Variants in SPEF2 observed in about 807,000 individuals in gnomAD.
SPEF2 encodes the protein sperm flagella and cilia-associated protein 2.
SPEF2 carries 187 observed loss-of-function variants against 224.6 expected under a neutral mutation model. The observed-to-expected ratio is 0.83, with a 90% CI of 0.74 to 0.94. SPEF2 has a LOEUF of 0.94. Among genes scored for constraint, SPEF2 ranks in the 40% least tolerant of loss-of-function variants. SPEF2 has a pLI of 0.00. For synonymous variants in SPEF2, 715 were observed against 707.3 expected (o/e 1.01, Z -0.17); for missense variants, 2,170 against 2,135.6 (o/e 1.02, Z -0.32).
intron 2 of SPEF2, among the ~76,000 whole-genome samples, chr5:35,636,140 C>G (rs1745805155): frequency 6.6e-6 from 1 of 152,120 alleles, no homozygotes; most frequent in Non-Finnish European, 1.5e-5. Flanking sequence ...TAGTAGCTCT[C>G]CTGGACTAAT....
At chr5:35,624,628 G>A (rs1307080063) in intron 1 of SPEF2, among the ~76,000 whole-genome samples, 6 of 150,890 alleles carry the variant, frequency 4.0e-5, no homozygotes, top group Non-Finnish European at 8.9e-5. Flanking sequence ...TCTCTCTCTG[G>A]CTTCCTATAT....
At chr5:35,773,843 A>C in intron 27 of SPEF2, 50 bp from the exon 28 acceptor site, 1 of 1,581,012 alleles carries the variant, frequency 6.3e-7, no homozygotes. Flanking sequence ...TACTATGTGC[A>C]CACCTTTGTA....
At chr5:35,636,634 C>T (rs1327043118) in intron 2 of SPEF2, among the ~76,000 whole-genome samples, 1 of 152,066 alleles carries the variant, frequency 6.6e-6, no homozygotes, top group Admixed American at 6.6e-5. Context: ...CAAATAATGA[C>T]AAGGCCTGAA....
chr5:35,810,900 G>A (rs888633683), intron 36 of SPEF2, among the ~76,000 whole-genome samples: 2 of 151,972 alleles, frequency 1.3e-5, no homozygotes, highest in Non-Finnish European at 2.9e-5. Context: ...CCCTCCTCAA[G>A]TCCTCCACAC....
intron 15 of SPEF2, chr5:35,699,467 A>T (rs545791012): frequency 1.2e-4 from 18 of 152,344 alleles, no homozygotes; most frequent in African/African-American, 3.8e-4. Context: ...GCGTCCTATA[A>T]TCTAACTGAG....
intron 3 of SPEF2, among the ~76,000 whole-genome samples, chr5:35,642,074 C>G: frequency 6.6e-6 from 1 of 152,084 alleles, no homozygotes; most frequent in East Asian, 1.9e-4. Context: ...TCCTCTCTTC[C>G]TGTTTCTACC....
chr5:35,774,205 T>C (rs1753282962), intron 28 of SPEF2, among the ~76,000 whole-genome samples, 184 bp downstream of exon 28: 3 of 152,174 alleles, frequency 2.0e-5, no homozygotes, highest in African/African-American at 7.2e-5. Flanking sequence ...ATTTGAGTGT[T>C]GCATGAGTCA....
At chr5:35,634,904 T>G (rs565894873) in intron 2 of SPEF2, among the ~76,000 whole-genome samples, 37 of 152,168 alleles carry the variant, frequency 2.4e-4, no homozygotes, top group African/African-American at 8.7e-4. Flanking sequence ...CTTAATGTCT[T>G]TCTTGTTCCG....
intron 1 of SPEF2, among the ~76,000 whole-genome samples, chr5:35,627,285 C>G (rs1744397136): frequency 6.6e-6 from 1 of 151,612 alleles, no homozygotes; most frequent in Non-Finnish European, 1.5e-5. Context: ...TTTAAAAAAG[C>G]AAATCCTATT....
intron 7 of SPEF2, among the ~76,000 whole-genome samples, chr5:35,655,410 A>G (rs1313100192): frequency 6.6e-6 from 1 of 152,216 alleles, no homozygotes; most frequent in African/African-American, 2.4e-5. Flanking sequence ...AGAGAGCAAG[A>G]ATAACAAGAC....
chr5:35,807,104 T>A, intron 35 of SPEF2, 27 bp from the exon 36 acceptor site: 1 of 1,597,770 alleles, frequency 6.3e-7, no homozygotes, highest in Non-Finnish European at 8.5e-7. Context: ...TGAGGTTGAT[T>A]AACTTCATTT....
In SPEF2 at chr5:35,654,630, G is replaced by A; in HGVS notation, c.882G>A (p.Gln294=). The part of the protein sequence containing the change: ...YSDDEYIKKI[Q]KRLEEDAFAR... The stretch of plus-strand genomic sequence containing the variant: ...ATGACGAGTACATTAAAAAAATCCA[G>A]AAGCGCCTTGAAGAAGATGCTTTTG... The change falls in exon 7 of 37, where the codon CAG becomes CAA. Residue 294 remains glutamine, a synonymous_variant. Coordinates refer to ENST00000356031, the MANE Select transcript of SPEF2 (RefSeq NM_024867.4). 2 of 1,613,830 alleles carry A rather than the reference G, an allele frequency of 1.2e-6. No individual in the cohort carries two copies. The highest frequency in any genetic ancestry group is 1.7e-6 in the Non-Finnish European group (2 of 1,179,950).
intron 8 of SPEF2, among the ~76,000 whole-genome samples, chr5:35,661,247 GTATATATTATATATATATATA>G (rs1387027117): frequency 2.7e-5 from 2 of 73,326 alleles, no homozygotes; most frequent in African/African-American, 9.2e-5. Flanking sequence ...TTTTTTTTTG[GTATATATTATATATATATATA>G]TATATATATA....
At chr5:35,774,059 G>T in intron 28 of SPEF2, 38 bp downstream of exon 28, 1 of 1,599,828 alleles carries the variant, frequency 6.3e-7, no homozygotes, top group Non-Finnish European at 8.5e-7. Context: ...CTTTTCAGTA[G>T]AAAGGAGACC....
chr5:35,751,078 T>TACAC (rs1180305756), intron 23 of SPEF2, among the ~76,000 whole-genome samples: 1 of 22,646 alleles, frequency 4.4e-5, no homozygotes, highest in African/African-American at 1.1e-4. Flanking sequence ...TATATATATA[T>TACAC]ACACACACAC....
intron 10 of SPEF2, among the ~76,000 whole-genome samples, chr5:35,678,974 T>G (rs1752398702): frequency 6.6e-6 from 1 of 152,180 alleles, no homozygotes; most frequent in South Asian, 2.1e-4. Context: ...GAATAAAATT[T>G]AGGCAGTTCT....
At chr5:35,684,012 G>C (rs1753208270) in intron 10 of SPEF2, 1 of 151,598 alleles carries the variant, frequency 6.6e-6, no homozygotes, top group Admixed American at 6.6e-5. Flanking sequence ...TCAGAGTCTG[G>C]GCCTAATAGT....
chr5:35,810,065 G>C (rs879941116), intron 36 of SPEF2, among the ~76,000 whole-genome samples: 1 of 152,156 alleles, frequency 6.6e-6, no homozygotes, highest in Non-Finnish European at 1.5e-5. Flanking sequence ...TCTGAGCAGA[G>C]TGATTAAATA....
intron 20 of SPEF2, among the ~76,000 whole-genome samples, chr5:35,716,535 A>C (rs1457461831): frequency 6.6e-6 from 1 of 152,208 alleles, no homozygotes; most frequent in African/African-American, 2.4e-5. Context: ...AGCAAACACA[A>C]GTTCAACAGC....
Sources: allele counts gnomAD v4.1 joint callset (sites outside exome capture counted in the v4.1 genomes callset), GRCh38; gene constraint gnomAD v4.1.1; transcripts MANE v1.5; gene names NCBI Gene and HGNC (gene_info 2026-07-23, HGNC 2026-07-21).